Variants in SUGCT observed in about 807,000 individuals in gnomAD.
SUGCT encodes succinyl-CoA:glutarate CoA-transferase.
Under a neutral mutation model 55.0 loss-of-function variants are expected in SUGCT, and 41 were observed. That is an observed-to-expected ratio of 0.74 (90% CI 0.58 to 0.97). The LOEUF (loss-of-function observed/expected upper bound fraction) is 0.97. Ranked by LOEUF, SUGCT falls within the 50% of genes least tolerant of loss-of-function variation. SUGCT has a pLI of 0.00. For synonymous variants in SUGCT, 187 were observed against 200.4 expected, an observed-to-expected ratio of 0.93 and a Z score of 0.56; for missense variants, 568 against 547.8, an observed-to-expected ratio of 1.04 and a Z score of -0.37.
chr7:40,411,711 G>A (rs1361220501), intron 9 of SUGCT, among the ~76,000 whole-genome samples: 2 of 152,100 alleles, frequency 1.3e-5, no homozygotes, highest in Non-Finnish European at 1.5e-5. Flanking sequence ...CAACAGATCC[G>A]TTGGTTGACT....
chr7:40,640,134 G>C (rs940791548), intron 12 of SUGCT, among the ~76,000 whole-genome samples: 8 of 152,092 alleles, frequency 5.3e-5, no homozygotes, highest in African/African-American at 1.9e-4. Flanking sequence ...TCTGGTGGCT[G>C]CCTTTTCCTC....
At chr7:40,514,276 T>C (rs1035450370) in intron 12 of SUGCT, among the ~76,000 whole-genome samples, 2 of 152,130 alleles carry the variant, frequency 1.3e-5, no homozygotes, top group East Asian at 1.9e-4. Flanking sequence ...TTCTGAGACC[T>C]GAAGATTCAG....
the SUGCT span, among the ~76,000 whole-genome samples, chr7:40,955,888 A>C: frequency 3.9e-5 from 6 of 152,290 alleles, no homozygotes; most frequent in Admixed American, 3.3e-4. Context: ...TGAGATAATT[A>C]TGTGATTGTT....
chr7:40,624,775 AC>A, intron 12 of SUGCT, among the ~76,000 whole-genome samples: 1 of 28,890 alleles, frequency 3.5e-5, no homozygotes, highest in South Asian at 3.8e-3. Flanking sequence ...CTGTGCAAAC[AC>A]ACACACACAC....
intron 12 of SUGCT, among the ~76,000 whole-genome samples, chr7:40,745,117 A>G (rs1584374886): frequency 6.6e-6 from 1 of 152,204 alleles, no homozygotes; most frequent in African/African-American, 2.4e-5. Flanking sequence ...TGTTGAATGA[A>G]TAGGTCATAT....
chr7:40,780,735 A>G (rs930611929), intron 13 of SUGCT, among the ~76,000 whole-genome samples: 3 of 149,878 alleles, frequency 2.0e-5, no homozygotes, highest in African/African-American at 7.4e-5. Context: ...TGGAGTTCCT[A>G]GTGTGGGTTT....
chr7:40,554,417 A>C (rs1358534759), intron 12 of SUGCT, among the ~76,000 whole-genome samples: 2 of 152,216 alleles, frequency 1.3e-5, no homozygotes, highest in Non-Finnish European at 2.9e-5. Flanking sequence ...GTGTGATTGC[A>C]TGCATTTGTC....
chr7:40,479,861 G>T (rs2151485982), intron 11 of SUGCT, among the ~76,000 whole-genome samples: 1 of 151,840 alleles, frequency 6.6e-6, no homozygotes, highest in East Asian at 1.9e-4. Flanking sequence ...TTTTTACATT[G>T]GGTTATTTAT....
At chr7:40,247,236 C>G (rs574722268) in intron 7 of SUGCT, among the ~76,000 whole-genome samples, 1 of 152,200 alleles carries the variant, frequency 6.6e-6, no homozygotes, top group East Asian at 1.9e-4. Flanking sequence ...TTTTAATTAT[C>G]TGCACCAACT....
intron 11 of SUGCT, among the ~76,000 whole-genome samples, chr7:40,484,276 T>C (rs778938054): frequency 1.3e-5 from 2 of 152,214 alleles, no homozygotes; most frequent in Non-Finnish European, 2.9e-5. Flanking sequence ...ATTTTTCATA[T>C]TCCAAATAGG....
intron 9 of SUGCT, among the ~76,000 whole-genome samples, chr7:40,371,417 A>T (rs1784288700): frequency 6.6e-6 from 1 of 152,146 alleles, no homozygotes. Context: ...GAAAAGATTG[A>T]CTGTGTAATA....
intron 6 of SUGCT, among the ~76,000 whole-genome samples, chr7:40,199,976 T>C (rs992804379): frequency 6.6e-6 from 1 of 152,112 alleles, no homozygotes; most frequent in Non-Finnish European, 1.5e-5. Flanking sequence ...AAGAGAATGA[T>C]TAACCCTGGG....
At chr7:41,020,581 T>C in the SUGCT span, among the ~76,000 whole-genome samples, 1 of 152,238 alleles carries the variant, frequency 6.6e-6, no homozygotes, top group Admixed American at 6.5e-5. Context: ...CATTCATATA[T>C]GTATTTTCAG....
intron 12 of SUGCT, among the ~76,000 whole-genome samples, chr7:40,731,366 A>G (rs891007595): frequency 6.6e-6 from 1 of 152,214 alleles, no homozygotes; most frequent in Non-Finnish European, 1.5e-5. Context: ...TGTTCCCTCT[A>G]CTAGTCCACA....
At chr7:40,290,618 C>T (rs1244656979) in intron 8 of SUGCT, among the ~76,000 whole-genome samples, 1 of 152,154 alleles carries the variant, frequency 6.6e-6, no homozygotes, top group East Asian at 1.9e-4. Flanking sequence ...GTCTAAAACA[C>T]CAAAAGCAAT....
chr7:40,168,815 G>A (rs1784539807), intron 1 of SUGCT, among the ~76,000 whole-genome samples: 1 of 149,100 alleles, frequency 6.7e-6, no homozygotes, highest in Non-Finnish European at 1.5e-5. Context: ...CCGAGTACTG[G>A]GGCTTGGTTT....
intron 3 of SUGCT, among the ~76,000 whole-genome samples, chr7:40,182,581 A>G (rs1303118388): frequency 6.7e-6 from 1 of 148,782 alleles, no homozygotes; most frequent in Non-Finnish European, 1.5e-5. Context: ...AAAAAAAATG[A>G]AAAAAAAGGG....
intron 1 of SUGCT, among the ~76,000 whole-genome samples, chr7:40,169,248 GAGTAA>G (rs1784561284): frequency 6.6e-6 from 1 of 152,180 alleles, no homozygotes; most frequent in African/African-American, 2.4e-5. Context: ...CATGTGAAAA[GAGTAA>G]AGTTCCCCAG....
At chr7:40,748,023 G>C (rs767016800) in intron 12 of SUGCT, among the ~76,000 whole-genome samples, 1 of 151,884 alleles carries the variant, frequency 6.6e-6, no homozygotes, top group Non-Finnish European at 1.5e-5. Flanking sequence ...TCAGCATCAA[G>C]TCACATTTCT....
Sources: allele counts gnomAD v4.1 joint callset (sites outside exome capture counted in the v4.1 genomes callset), GRCh38; gene constraint gnomAD v4.1.1; transcripts MANE v1.5; gene names NCBI Gene and HGNC (gene_info 2026-07-23, HGNC 2026-07-21).